SPOCK3: variants seen among roughly 807,000 people sequenced by gnomAD.
SPOCK3 encodes testican-3.
SPOCK3 carries 30 observed loss-of-function variants against 56.6 expected under a neutral mutation model. The observed-to-expected ratio is 0.53, with a 90% CI of 0.40 to 0.72. The LOEUF is 0.72. Among genes scored for constraint, SPOCK3 ranks in the 30% least tolerant of loss-of-function variants. The probability of loss-of-function intolerance (pLI) is 0.00; values close to 1 mark genes in which losing one functional copy is unlikely to be tolerated. For synonymous variants in SPOCK3, 196 were observed against 183.3 expected (o/e 1.07, Z -0.56); for missense variants, 527 against 530.0 (o/e 0.99, Z 0.06).
At chr4:167,076,862 T>G (rs934131440) in intron 2 of SPOCK3, among the ~76,000 whole-genome samples, 6 of 151,858 alleles carry the variant, frequency 4.0e-5, no homozygotes, top group Admixed American at 3.3e-4. Context: ...ATTTTAAATT[T>G]TATATATTCT....
intron 6 of SPOCK3, among the ~76,000 whole-genome samples, chr4:166,862,838 C>T (rs902374412): frequency 1.3e-5 from 2 of 152,046 alleles, no homozygotes; most frequent in African/African-American, 4.8e-5. Flanking sequence ...TTATCATTTA[C>T]AATTTGTGGT....
At chr4:167,024,223 A>C (rs1393528202) in intron 3 of SPOCK3, among the ~76,000 whole-genome samples, 1 of 151,992 alleles carries the variant, frequency 6.6e-6, no homozygotes, top group Non-Finnish European at 1.5e-5. Flanking sequence ...ACTCTCTTTA[A>C]TTACTGATTT....
intron 2 of SPOCK3, among the ~76,000 whole-genome samples, chr4:167,120,438 T>G (rs1761772554): frequency 6.6e-6 from 1 of 152,078 alleles, no homozygotes; most frequent in Admixed American, 6.6e-5. Flanking sequence ...TAAAGACCAT[T>G]CATGTAAACA....
At chr4:167,219,850 T>A (rs13142925) in intron 2 of SPOCK3, among the ~76,000 whole-genome samples, 4,823 of 152,240 alleles carry the variant, frequency 0.032, 115 homozygotes, top group Middle Eastern at 0.075. Flanking sequence ...TTTGCTAAAA[T>A]CTCCAAAACA....
chr4:167,032,748 C>T (rs776320651), intron 3 of SPOCK3, among the ~76,000 whole-genome samples: 8 of 151,784 alleles, frequency 5.3e-5, no homozygotes, highest in Admixed American at 2.6e-4. Context: ...AAGGGAAGAT[C>T]TCAACTTAAA....
intron 2 of SPOCK3, among the ~76,000 whole-genome samples, chr4:167,086,051 A>G (rs1561200481): frequency 6.6e-6 from 1 of 152,072 alleles, no homozygotes; most frequent in Non-Finnish European, 1.5e-5. Flanking sequence ...ACAGTTCTTC[A>G]CTAATGTATT....
intron 4 of SPOCK3, among the ~76,000 whole-genome samples, chr4:166,994,297 G>A (rs547074205): frequency 6.6e-6 from 1 of 152,142 alleles, no homozygotes; most frequent in African/African-American, 2.4e-5. Flanking sequence ...AAACTACATC[G>A]CAGAAAGTAC....
chr4:166,856,541 C>G (rs1286195637), intron 6 of SPOCK3, among the ~76,000 whole-genome samples: 3 of 151,938 alleles, frequency 2.0e-5, no homozygotes, highest in Non-Finnish European at 4.4e-5. Context: ...TTTGGGAGAC[C>G]GAGGTGGGTG....
chr4:167,147,812 G>A (rs1046346835), intron 2 of SPOCK3, among the ~76,000 whole-genome samples: 1 of 152,104 alleles, frequency 6.6e-6, no homozygotes, highest in Non-Finnish European at 1.5e-5. Flanking sequence ...CCCGTCCGGA[G>A]GGTGGGGACT....
intron 2 of SPOCK3, among the ~76,000 whole-genome samples, chr4:167,072,292 C>A (rs1332779408): frequency 1.3e-5 from 2 of 152,184 alleles, no homozygotes; most frequent in South Asian, 2.1e-4. Context: ...TGGGCCAGGC[C>A]CACAAGTTGT....
chr4:167,069,375 T>C (rs985320892), intron 2 of SPOCK3, among the ~76,000 whole-genome samples: 1 of 151,932 alleles, frequency 6.6e-6, no homozygotes, highest in Admixed American at 6.6e-5. Flanking sequence ...TTTGAACTTT[T>C]AACTGACTCA....
chr4:167,159,961 T>C lies in SPOCK3; in HGVS notation c.189+74024A>G, dbSNP rs1034826457. ...ACTGAATGGGCAAAAACTGGAAGCA[T>C]TCCCTTTGAAAACTGGCACAAGACA... is the stretch of plus-strand genomic sequence containing the variant. On this transcript the variant is annotated intron_variant, in intron 2 of 10. Coordinates refer to ENST00000357545, the MANE Select transcript of SPOCK3 (RefSeq NM_001040159.2). Among the ~76,000 whole-genome samples the C allele has an allele frequency of 3.9e-5, 6 of 152,232 alleles. No homozygotes were observed. In the East Asian group the frequency reaches 7.7e-4, roughly 20 times the overall value.
chr4:167,161,849 A>G (rs1388255439), intron 2 of SPOCK3, among the ~76,000 whole-genome samples: 1 of 136,694 alleles, frequency 7.3e-6, no homozygotes, highest in Non-Finnish European at 1.6e-5. Flanking sequence ...ATGAGAACAC[A>G]TGGACACAGG....
intron 2 of SPOCK3, among the ~76,000 whole-genome samples, chr4:167,190,976 C>G (rs1375468058): frequency 1.4e-5 from 2 of 145,400 alleles, no homozygotes; most frequent in African/African-American, 5.2e-5. Context: ...CTCTATTGGT[C>G]TAAGTGTCTG....
At chr4:166,778,882 A>C (rs1182167727) in intron 7 of SPOCK3, among the ~76,000 whole-genome samples, 1 of 152,110 alleles carries the variant, frequency 6.6e-6, no homozygotes, top group African/African-American at 2.4e-5. Flanking sequence ...GCAAGGTAGC[A>C]ATAACACTGG....
At chr4:167,157,554 G>T (rs969892290) in intron 2 of SPOCK3, among the ~76,000 whole-genome samples, 16 of 151,144 alleles carry the variant, frequency 1.1e-4, no homozygotes, top group Non-Finnish European at 1.5e-5. Context: ...CTGGAAAAAT[G>T]TCACATATTA....
intron 4 of SPOCK3, among the ~76,000 whole-genome samples, chr4:166,941,508 G>A (rs1484905041): frequency 2.0e-5 from 3 of 152,212 alleles, no homozygotes; most frequent in Admixed American, 2.0e-4. Flanking sequence ...GTAATACAGT[G>A]TTGTCCTTTT....
At chr4:167,209,200 A>G (rs1272567699) in intron 2 of SPOCK3, among the ~76,000 whole-genome samples, 1 of 152,136 alleles carries the variant, frequency 6.6e-6, no homozygotes, top group Non-Finnish European at 1.5e-5. Flanking sequence ...ATTGGGTGCC[A>G]TGATATGGAA....
chr4:166,974,876 C>T lies in SPOCK3; in HGVS notation c.350+25473G>A, dbSNP rs189497643. Among the ~76,000 whole-genome samples the T allele has an allele frequency of 5.5e-4, 83 of 152,230 alleles. No homozygotes were observed. The South Asian group carries it at 8.9e-3, about 16-fold the overall frequency. ...CAAAACTTACACTGAATGTTAATCT[C>T]GAATGTAACATTATTGAAAGGTTGG... On this transcript the variant is annotated intron_variant, in intron 4 of 10. Transcript: ENST00000357545.
Sources: gnomAD v4.1 joint callset for allele counts (sites outside exome capture counted in the v4.1 genomes callset) on GRCh38, gnomAD v4.1.1 for gene constraint, MANE v1.5 for transcripts, NCBI Gene and HGNC (gene_info 2026-07-23, HGNC 2026-07-21) for gene names.